Variants in DLGAP1 observed in about 807,000 individuals in gnomAD.
The protein encoded by DLGAP1 is disks large-associated protein 1.
DLGAP1 carries 11 observed loss-of-function variants against 90.8 expected under a neutral mutation model. The observed-to-expected ratio is 0.12, with a 90% confidence interval of 0.08 to 0.20. DLGAP1 has a LOEUF of 0.20. Ranked by LOEUF, DLGAP1 falls within the 10% of genes least tolerant of loss-of-function variation. The pLI is 1.00. For synonymous variants in DLGAP1, 558 were observed against 540.7 expected, an observed-to-expected ratio of 1.03 and a Z score of -0.44; for missense variants, 1,050 against 1,333.8, an observed-to-expected ratio of 0.79 and a Z score of 3.31.
At chr18:4,047,772 AT>A (rs1193664436) in intron 2 of DLGAP1, among the ~76,000 whole-genome samples, 2 of 152,282 alleles carry the variant, frequency 1.3e-5, no homozygotes, top group African/African-American at 4.8e-5. Context: ...CCATTAGATC[AT>A]TGAGGTTTAA....
intron 1 of DLGAP1, among the ~76,000 whole-genome samples, chr18:4,354,650 G>A (rs1191012519): frequency 6.6e-6 from 1 of 151,844 alleles, no homozygotes; most frequent in Non-Finnish European, 1.5e-5. Context: ...TGACCCTCAT[G>A]ATAGGGAGGA....
chr18:3,637,609 T>G (rs982260163), intron 7 of DLGAP1, among the ~76,000 whole-genome samples: 18 of 147,838 alleles, frequency 1.2e-4, no homozygotes, highest in Middle Eastern at 3.6e-3. Context: ...TAGCCGGGCA[T>G]GGTGGCATGC....
At chr18:4,450,013 G>C (rs2083779680) in intron 1 of DLGAP1, among the ~76,000 whole-genome samples, 1 of 152,162 alleles carries the variant, frequency 6.6e-6, no homozygotes, top group African/African-American at 2.4e-5. Context: ...ATCCTAATTT[G>C]AAAGGATGAA....
At chr18:4,279,112 G>C (rs966147292) in intron 1 of DLGAP1, among the ~76,000 whole-genome samples, 1 of 152,198 alleles carries the variant, frequency 6.6e-6, no homozygotes, top group Non-Finnish European at 1.5e-5. Context: ...CAGAACAAGC[G>C]CTGGACTGGA....
intron 6 of DLGAP1, among the ~76,000 whole-genome samples, 163 bp downstream of exon 6, chr18:3,742,172 T>C (rs2063081171): frequency 6.6e-6 from 1 of 152,216 alleles, no homozygotes; most frequent in Non-Finnish European, 1.5e-5. Flanking sequence ...TTACTGCGGC[T>C]GAACCCATGG....
At chr18:4,105,838 G>A (rs1165072097) in intron 2 of DLGAP1, among the ~76,000 whole-genome samples, 1 of 151,888 alleles carries the variant, frequency 6.6e-6, no homozygotes, top group East Asian at 1.9e-4. Context: ...AGACCATCCT[G>A]GCTAACACGG....
chr18:4,158,081 G>C (rs1458171583), intron 1 of DLGAP1, among the ~76,000 whole-genome samples: 1 of 152,140 alleles, frequency 6.6e-6, no homozygotes, highest in Non-Finnish European at 1.5e-5. Flanking sequence ...CAAAGGGAGA[G>C]AGTGTATCCA....
intron 9 of DLGAP1, among the ~76,000 whole-genome samples, chr18:3,538,441 C>T (rs1224989053): frequency 2.7e-5 from 4 of 150,724 alleles, no homozygotes; most frequent in African/African-American, 9.8e-5. Context: ...TGCAATGTTA[C>T]AAGTCTCTTG....
At chr18:4,212,385 A>G (rs2077860814) in intron 1 of DLGAP1, among the ~76,000 whole-genome samples, 1 of 151,996 alleles carries the variant, frequency 6.6e-6, no homozygotes, top group African/African-American at 2.4e-5. Flanking sequence ...TTAATTTTTA[A>G]AAGGGCGCAC....
intron 3 of DLGAP1, among the ~76,000 whole-genome samples, chr18:3,932,106 AT>A (rs2072530147): frequency 6.6e-6 from 1 of 152,114 alleles, no homozygotes; most frequent in Non-Finnish European, 1.5e-5. Flanking sequence ...TGTCTAAAAT[AT>A]ACTTAAGCAT....
At chr18:3,632,494 G>T (rs2058559963) in intron 7 of DLGAP1, among the ~76,000 whole-genome samples, 1 of 151,920 alleles carries the variant, frequency 6.6e-6, no homozygotes, top group African/African-American at 2.4e-5. Context: ...GCAGAGACGG[G>T]GTTTCACCAT....
At chr18:3,509,564 A>G (rs2050424683) in intron 10 of DLGAP1, among the ~76,000 whole-genome samples, 2 of 152,138 alleles carry the variant, frequency 1.3e-5, no homozygotes, top group Admixed American at 1.3e-4. Context: ...ACATGCTCTC[A>G]TGGTCGGGAA....
chr18:3,948,249 G>T (rs980728648), intron 3 of DLGAP1, among the ~76,000 whole-genome samples: 2 of 152,176 alleles, frequency 1.3e-5, no homozygotes, highest in Non-Finnish European at 2.9e-5. Flanking sequence ...AGCTTGTCCT[G>T]CTCTTGTCTT....
At chr18:3,871,101 C>T (rs2070724485) in intron 4 of DLGAP1, among the ~76,000 whole-genome samples, 1 of 152,124 alleles carries the variant, frequency 6.6e-6, no homozygotes, top group Non-Finnish European at 1.5e-5. Flanking sequence ...AGAATATGTA[C>T]AACATAATGG....
chr18:4,036,818 T>C (rs771981990), intron 2 of DLGAP1, among the ~76,000 whole-genome samples: 1 of 152,132 alleles, frequency 6.6e-6, no homozygotes, highest in Non-Finnish European at 1.5e-5. Flanking sequence ...AAAGTCAGAA[T>C]AGAATTCAAT....
chr18:4,204,341 A>G (rs1207227024), intron 1 of DLGAP1, among the ~76,000 whole-genome samples: 2 of 152,246 alleles, frequency 1.3e-5, no homozygotes, highest in Non-Finnish European at 2.9e-5. Context: ...TTCATTCTCC[A>G]GTAAGCTCAA....
chr18:3,896,196 C>T (rs183975038), intron 3 of DLGAP1: 15 of 152,248 alleles, frequency 9.9e-5, no homozygotes, highest in African/African-American at 3.6e-4. Context: ...ATAACTTGCC[C>T]ACAGGGCACA....
chr18:3,550,965 C>T (rs1472943693), intron 9 of DLGAP1, among the ~76,000 whole-genome samples: 1 of 151,742 alleles, frequency 6.6e-6, no homozygotes, highest in Non-Finnish European at 1.5e-5. Context: ...TGGTCTCAAA[C>T]TCCTGACCTC....
At chr18:4,247,905 C>T (rs923436993) in intron 1 of DLGAP1, among the ~76,000 whole-genome samples, 8 of 152,162 alleles carry the variant, frequency 5.3e-5, no homozygotes, top group African/African-American at 1.9e-4. Context: ...TAGGTTTTCA[C>T]TCTTATTTCT....
Sources: allele counts gnomAD v4.1 joint callset (sites outside exome capture counted in the v4.1 genomes callset), GRCh38; gene constraint gnomAD v4.1.1; transcripts MANE v1.5; gene names NCBI Gene and HGNC (gene_info 2026-07-23, HGNC 2026-07-21).